The following JCAD variants were observed in gnomAD, a reference collection of about 807,000 sequenced individuals.
JCAD encodes the protein junctional cadherin 5-associated protein.
JCAD carries 40 observed loss-of-function variants against 98.0 expected under a neutral mutation model. That is an observed-to-expected ratio of 0.41 (90% CI 0.32 to 0.53). The LOEUF is 0.53. Ranked by LOEUF, JCAD falls within the 20% of genes least tolerant of loss-of-function variation. The pLI is 0.31. For synonymous variants in JCAD, 691 were observed against 682.3 expected (o/e 1.01, Z -0.20); for missense variants, 1,705 against 1,738.1 (o/e 0.98, Z 0.34).
Position 30,110,923 on chromosome 10 carries a change from C to A in JCAD, n.128+4444G>T, listed in dbSNP as rs1293328009. Among the ~76,000 whole-genome samples the A allele has an allele frequency of 4.0e-5, 6 of 151,816 alleles. No individual in the cohort carries two copies. In the East Asian group the frequency reaches 1.2e-3, roughly 29 times the overall value. ...GAACATCCTGATGTATGCCTCTCTCCCAACCTGATATATGGACTGGTTGAT... is the reference window on the plus strand; with the variant it reads ...GAACATCCTGATGTATGCCTCTCTCACAACCTGATATATGGACTGGTTGAT... On this transcript the variant is annotated intron_variant and non_coding_transcript_variant, in intron 1 of 2. Coordinates refer to the JCAD transcript ENST00000465712.
chr10:30,079,577 C>T (rs1838043808), intron 1 of JCAD, among the ~76,000 whole-genome samples: 1 of 152,178 alleles, frequency 6.6e-6, no homozygotes, highest in Non-Finnish European at 1.5e-5. Flanking sequence ...CTTCCTGGTT[C>T]CTGGTCATGG....
chr10:30,069,890 T>C (rs1291603672), intron 1 of JCAD: 2 of 152,206 alleles, frequency 1.3e-5, no homozygotes, highest in East Asian at 3.8e-4. Flanking sequence ...TTTGTCAATT[T>C]GTTTTAAATC....
intron 1 of JCAD, among the ~76,000 whole-genome samples, chr10:30,094,815 C>T (rs1838343382): frequency 6.6e-6 from 1 of 152,208 alleles, no homozygotes; most frequent in Non-Finnish European, 1.5e-5. Flanking sequence ...ATTCTCCCAC[C>T]TCCTCCCGAA....
At chr10:30,089,776 T>TAATGAACA (rs1376386274) in intron 1 of JCAD, among the ~76,000 whole-genome samples, 1 of 152,196 alleles carries the variant, frequency 6.6e-6, no homozygotes, top group African/African-American at 2.4e-5. Flanking sequence ...GCCAGATGTC[T>TAATGAACA]AATGAACAGC....
intron 1 of JCAD, among the ~76,000 whole-genome samples, chr10:30,110,387 A>ATGTGTGGACCAGCTGG (rs1054013465): frequency 4.6e-5 from 7 of 151,732 alleles, no homozygotes; most frequent in Non-Finnish European, 8.8e-5. Context: ...AGACCAGCTG[A>ATGTGTGGACCAGCTGG]TGTGTGGACC....
intron 2 of JCAD, among the ~76,000 whole-genome samples, chr10:30,040,574 G>C (rs1332267536): frequency 2.0e-5 from 3 of 152,188 alleles, no homozygotes; most frequent in Admixed American, 6.5e-5. Context: ...AGTATTCGCG[G>C]TGCCTCCGAC....
rs368767220 is a variant in JCAD at position 30,027,168 on chromosome 10, C to T, written c.2980G>A (p.Ala994Thr). ...DAKPLPASYP[A>T]EPREPQESPK... ...CTTTCCTGGGGCTCCCTAGGTTCAG[C>T]TGGATAGGACGCGGGCAGTGGTTTT... Residue 994 changes from alanine (A) to threonine (T), a missense_variant, in exon 3 of 4, where the codon GCT (alanine) becomes ACT (threonine). Physicochemically the swap from Ala to Thr is moderately conservative, Grantham distance 58. Around this residue, in one of 3 missense-constraint regions of JCAD, gnomAD observed 1,278 missense variants for 1,243.1 expected, o/e 1.03. Transcript: ENST00000375377. 4 of 1,614,152 alleles carry T rather than the reference C, an allele frequency of 2.5e-6. No individual in the cohort carries two copies. The highest frequency in any genetic ancestry group is 1.7e-6 in the Non-Finnish European group (2 of 1,179,980).
rs368491408 is a variant in JCAD at position 30,018,272 on chromosome 10, TTTC to T, written c.4046-358_4046-356del. On this transcript the variant is annotated intron_variant, in intron 3 of 3. Transcript: ENST00000375377. Reference sequence around the variant, plus strand: ...TATTAAGGTAGATGTCTTATCTTTCTTTCTTCTTCTTCTTCTTCTTCTTCTTTT... The same window carrying T: ...TATTAAGGTAGATGTCTTATCTTTCTTTCTTCTTCTTCTTCTTCTTCTTTT... Among the ~76,000 whole-genome samples the T allele has an allele frequency of 8.9e-3, 1,320 of 148,764 alleles. 12 individuals are homozygous for T. The highest frequency in any genetic ancestry group is 0.014 in the Non-Finnish European group (956 of 67,494).
chr10:30,098,024 T>C (rs1042230984), intron 1 of JCAD, among the ~76,000 whole-genome samples: 2 of 152,188 alleles, frequency 1.3e-5, no homozygotes, highest in Non-Finnish European at 2.9e-5. Context: ...TGGTAAAATA[T>C]GGACGGTATT....
intron 1 of JCAD, among the ~76,000 whole-genome samples, chr10:30,075,865 C>T (rs988941546): frequency 5.3e-5 from 8 of 152,142 alleles, no homozygotes; most frequent in South Asian, 2.1e-4. Flanking sequence ...GGGTCTACTC[C>T]GTTTGCTTGA....
chr10:30,100,569 C>T (rs766078360), intron 1 of JCAD, among the ~76,000 whole-genome samples: 3 of 152,024 alleles, frequency 2.0e-5, no homozygotes, highest in Non-Finnish European at 4.4e-5. Flanking sequence ...TTTGTAGTAC[C>T]GATGGGGTTT....
At chr10:30,093,264 G>T (rs1180315367) in intron 1 of JCAD, among the ~76,000 whole-genome samples, 1 of 152,126 alleles carries the variant, frequency 6.6e-6, no homozygotes, top group Non-Finnish European at 1.5e-5. Context: ...ATTCACACTG[G>T]GTGTGGTTTA....
At position 30,026,120 on chromosome 10, in the gene JCAD, T is replaced by C. The variant is rs1239278926; in HGVS notation, c.4028A>G (p.Gln1343Arg). 1.2e-5 allele frequency: 20 copies of C among 1,614,078 alleles called. No homozygotes were observed. The highest frequency in any genetic ancestry group is 1.6e-5 in the Non-Finnish European group (19 of 1,180,040). Residue 1343 changes from glutamine to arginine, a missense_variant, in exon 3 of 4, where the codon CAA becomes CGA. This residue lies in a region of JCAD where 1,278 missense variants were observed against 1,243.1 expected (regional missense o/e 1.03). Transcript: ENST00000375377. ...TTCCTCACCTGGGCACCAGAAGTCT[T>C]GATCCATGCTCTTCTCCTTTTGTGC... ...PAAQKEKSMD[Q>R]DFWCPDSYDP... is the part of the protein sequence containing the mutation.
chr10:30,073,863 C>T lies in JCAD; in HGVS notation n.129-4042G>A, dbSNP rs561641936. ...ACACAAAGTGTTTAGTCAAGATTTC[C>T]TAAAAGGCAGGATATTTAGAGCTAC... On this transcript the variant is annotated intron_variant and non_coding_transcript_variant, in intron 1 of 2. Coordinates refer to the JCAD transcript ENST00000465712. 1.4e-4 allele frequency among the ~76,000 whole-genome samples: 21 copies of T among 152,168 alleles called. 1 individual carries two copies. The highest frequency in any genetic ancestry group is 2.8e-4 in the Non-Finnish European group (19 of 68,006).
chr10:30,041,579 G>A (rs917423764), intron 2 of JCAD, among the ~76,000 whole-genome samples: 6 of 152,114 alleles, frequency 3.9e-5, no homozygotes, highest in African/African-American at 1.4e-4. Context: ...CCCAAGATGA[G>A]GGCCCCAGAC....
chr10:30,069,789 C>G (rs1837853958), exon 2 of JCAD: 1 of 152,150 alleles, frequency 6.6e-6, no homozygotes, highest in South Asian at 2.1e-4. Flanking sequence ...TGCACCAATG[C>G]ACTCCAGCCT....
Position 30,047,705 on chromosome 10 carries a change from C to T in JCAD, c.108G>A (p.Gly36=). Residue 36 remains glycine, a synonymous_variant, in exon 2 of 4, where the codon GGG becomes GGA. Transcript: ENST00000375377. ...TCTGCAGGCCCTGGCCTGCTCGTGT[C>T]CCAGTCCTCGCTGCCTGGCGCCCCT... The part of the protein sequence containing the change: ...NPKGRQAART[G]TRAGQGLQNG... 3 of 1,614,270 alleles carry T rather than the reference C, an allele frequency of 1.9e-6. No individual in the cohort carries two copies. The highest frequency in any genetic ancestry group is 2.5e-6 in the Non-Finnish European group (3 of 1,180,052).
At chr10:30,037,118 T>C (rs1837130576) in intron 2 of JCAD, among the ~76,000 whole-genome samples, 1 of 152,214 alleles carries the variant, frequency 6.6e-6, no homozygotes, top group South Asian at 2.1e-4. Context: ...TTAGAGCGAC[T>C]CACATTCACC....
At chr10:30,037,554 A>G (rs958473699) in intron 2 of JCAD, among the ~76,000 whole-genome samples, 1 of 152,256 alleles carries the variant, frequency 6.6e-6, no homozygotes, top group East Asian at 1.9e-4. Context: ...TTATGATGTC[A>G]CAATGAATGA....
Sources: allele counts gnomAD v4.1 joint callset (sites outside exome capture counted in the v4.1 genomes callset), GRCh38; gene constraint gnomAD v4.1.1; regional missense constraint gnomAD v4.1.1; transcripts MANE v1.5; gene names NCBI Gene and HGNC (gene_info 2026-07-23, HGNC 2026-07-21).